The following ADAM2 variants were observed in gnomAD, a reference collection of about 807,000 sequenced individuals.
ADAM2 encodes ADAM metallopeptidase domain 2.
Under a neutral mutation model 99.3 loss-of-function variants are expected in ADAM2, and 101 were observed. The observed-to-expected ratio is 1.02, with a 90% CI of 0.87 to 1.20. ADAM2 has a LOEUF of 1.20. Among genes scored for constraint, ADAM2 ranks in the 50% most tolerant of loss-of-function variants. ADAM2 has a pLI of 0.00. For missense variants in ADAM2, 948 were observed against 878.7 expected, an observed-to-expected ratio of 1.08 and a Z score of -1.00; for synonymous variants, 323 against 287.6, an observed-to-expected ratio of 1.12 and a Z score of -1.25.
intron 7 of ADAM2, among the ~76,000 whole-genome samples, chr8:39,805,107 T>G (rs1371841648): frequency 6.6e-6 from 1 of 152,194 alleles, no homozygotes; most frequent in African/African-American, 2.4e-5. Flanking sequence ...TGTGTCCTTA[T>G]AGACTGAAAG....
At chr8:39,804,326 C>G (rs1354601016) in intron 7 of ADAM2, among the ~76,000 whole-genome samples, 1 of 151,772 alleles carries the variant, frequency 6.6e-6, no homozygotes, top group South Asian at 2.1e-4. Context: ...TGCAGGTGTT[C>G]GTAGGGAATG....
intron 6 of ADAM2, chr8:39,818,057 ACACTT>A (rs1312546855): frequency 6.6e-6 from 1 of 152,030 alleles, no homozygotes; most frequent in Non-Finnish European, 1.5e-5. Context: ...AGAGGAGACA[ACACTT>A]CCCAACTCAT....
chr8:39,824,782 C>T (rs1805332946), intron 4 of ADAM2, 37 bp downstream of exon 4: 2 of 1,103,794 alleles, frequency 1.8e-6, no homozygotes, highest in Middle Eastern at 2.0e-4. Flanking sequence ...CATAGACACT[C>T]ACATGACAAA....
chr8:39,832,534 T>C (rs1176811270), intron 3 of ADAM2, among the ~76,000 whole-genome samples: 1 of 152,234 alleles, frequency 6.6e-6, no homozygotes, highest in Non-Finnish European at 1.5e-5. Flanking sequence ...AATTTTACTT[T>C]ATTATACATT....
At chr8:39,793,582 G>A (rs962637525) in intron 7 of ADAM2, among the ~76,000 whole-genome samples, 4 of 152,068 alleles carry the variant, frequency 2.6e-5, no homozygotes, top group Non-Finnish European at 5.9e-5. Context: ...AAAAGGACAA[G>A]GGTCCTTTGG....
chr8:39,797,003 G>T (rs1042187029), intron 7 of ADAM2, among the ~76,000 whole-genome samples: 5 of 151,932 alleles, frequency 3.3e-5, no homozygotes, highest in Admixed American at 2.0e-4. Flanking sequence ...TAGGTTGCCT[G>T]TTCACTCTGA....
chr8:39,800,637 TTCTCCCCA>T (rs1446669192), intron 7 of ADAM2, among the ~76,000 whole-genome samples: 1 of 152,214 alleles, frequency 6.6e-6, no homozygotes, highest in Non-Finnish European at 1.5e-5. Context: ...CTTGCTTCCA[TTCTCCCCA>T]TCTCCTTCTG....
chr8:39,817,538 G>A (rs144877585), intron 6 of ADAM2, among the ~76,000 whole-genome samples: 8 of 152,146 alleles, frequency 5.3e-5, no homozygotes, highest in Admixed American at 4.6e-4. Context: ...TAATAAATAA[G>A]CTAATTACCC....
chr8:39,780,400 T>C (rs570865958), intron 10 of ADAM2, among the ~76,000 whole-genome samples: 2 of 152,238 alleles, frequency 1.3e-5, no homozygotes, highest in East Asian at 3.9e-4. Flanking sequence ...TAGGATAGAA[T>C]TGTAGGTTTT....
chr8:39,821,553 T>C (rs1479835989), intron 5 of ADAM2, 33 bp downstream of exon 5: 1 of 1,422,472 alleles, frequency 7.0e-7, no homozygotes, highest in African/African-American at 1.4e-5. Context: ...GTAAATATTT[T>C]ATTTTGTAAT....
At chr8:39,753,829 ACT>A (rs1554519752) in intron 16 of ADAM2, among the ~76,000 whole-genome samples, 6 of 151,602 alleles carry the variant, frequency 4.0e-5, no homozygotes, top group African/African-American at 7.3e-5. Flanking sequence ...ACACACACAC[ACT>A]CACACACACA....
At chr8:39,813,413 T>G (rs1804784069) in intron 6 of ADAM2, among the ~76,000 whole-genome samples, 1 of 152,166 alleles carries the variant, frequency 6.6e-6, no homozygotes, top group South Asian at 2.1e-4. Flanking sequence ...AGCCATCCCA[T>G]TACTGGGTAT....
At chr8:39,782,189 G>T (rs1803262324) in intron 10 of ADAM2, among the ~76,000 whole-genome samples, 1 of 152,074 alleles carries the variant, frequency 6.6e-6, no homozygotes, top group Non-Finnish European at 1.5e-5. Context: ...TAAGTTTGCT[G>T]AGAGTATTCA....
chr8:39,755,019 G>T (rs1292053398), intron 16 of ADAM2, among the ~76,000 whole-genome samples: 1 of 152,096 alleles, frequency 6.6e-6, no homozygotes, highest in Non-Finnish European at 1.5e-5. Context: ...TATGCGACTG[G>T]ATTGATTTTT....
At chr8:39,815,297 T>A (rs865885445) in intron 6 of ADAM2, among the ~76,000 whole-genome samples, 27 of 152,288 alleles carry the variant, frequency 1.8e-4, no homozygotes, top group Admixed American at 8.5e-4. Flanking sequence ...ATGAAGGAAC[T>A]GTAGATGATA....
At chr8:39,755,089 A>G (rs1802093572) in intron 16 of ADAM2, among the ~76,000 whole-genome samples, 1 of 152,142 alleles carries the variant, frequency 6.6e-6, no homozygotes. Flanking sequence ...ATATTATTTT[A>G]ATGGCTATTT....
chr8:39,747,922 T>C (rs1178497648), intron 18 of ADAM2, among the ~76,000 whole-genome samples: 2 of 152,170 alleles, frequency 1.3e-5, no homozygotes, highest in African/African-American at 4.8e-5. Context: ...CCATGCACTA[T>C]CCAATTTCAA....
chr8:39,755,723 C>T lies in ADAM2; in HGVS notation c.1797+5G>A. ...GAAATTATTTGGGAATAAAAGACTA[C>T]CTACCTTATTTGAACCACAAGAAGT... On this transcript the variant is annotated splice_donor_5th_base_variant and intron_variant, in intron 16 of 20. Coordinates refer to ENST00000265708, the MANE Select transcript of ADAM2 (RefSeq NM_001464.5). 4 of 1,606,258 alleles carry T rather than the reference C, an allele frequency of 2.5e-6. No individual in the cohort carries two copies. In the South Asian group the frequency reaches 3.3e-5, roughly 13 times the overall value.
chr8:39,792,480 T>G (rs1011483037), intron 7 of ADAM2, among the ~76,000 whole-genome samples: 1 of 152,054 alleles, frequency 6.6e-6, no homozygotes, highest in East Asian at 1.9e-4. Context: ...ACCCCTATTG[T>G]CCCTCTCTTT....
Sources: gnomAD v4.1 joint callset for allele counts (sites outside exome capture counted in the v4.1 genomes callset) on GRCh38, gnomAD v4.1.1 for gene constraint, MANE v1.5 for transcripts, NCBI Gene and HGNC (gene_info 2026-07-23, HGNC 2026-07-21) for gene names.